Variants in VPS53 observed in about 807,000 individuals in gnomAD.
The protein encoded by VPS53 is VPS53 subunit of GARP complex, also known as vacuolar protein sorting-associated protein 53 homolog.
A neutral mutation model predicts 107.0 loss-of-function variants in VPS53; 70 were observed. The observed-to-expected ratio is 0.65, with a 90% CI of 0.54 to 0.80. The LOEUF is 0.80. Ranked by LOEUF, VPS53 falls within the 30% of genes least tolerant of loss-of-function variation. VPS53 has a pLI of 0.00. For missense variants in VPS53, 917 were observed against 1,049.4 expected, an observed-to-expected ratio of 0.87 and a Z score of 1.74; for synonymous variants, 409 against 393.3, an observed-to-expected ratio of 1.04 and a Z score of -0.47.
intron 12 of VPS53, 145 bp from the exon 13 acceptor site, chr17:586,509 T>A (rs1967326946): frequency 3.8e-6 from 3 of 788,166 alleles, no homozygotes; most frequent in Non-Finnish European, 6.0e-6. Context: ...GGTTTCACCA[T>A]TCACCCTGGC....
intron 13 of VPS53, among the ~76,000 whole-genome samples, chr17:577,753 C>A (rs1341746855): frequency 6.6e-6 from 1 of 151,614 alleles, no homozygotes. Context: ...GAACCTAATG[C>A]GTTCCCAGAG....
chr17:537,425 C>A (rs937369655), intron 17 of VPS53: 11 of 428,698 alleles, frequency 2.6e-5, no homozygotes, highest in African/African-American at 4.0e-5. Flanking sequence ...TTGTCCCCGA[C>A]CTGCCTGAAA....
rs572073173 is a variant in VPS53, at chr17:654,841, C to T, written c.488+997G>A. On this transcript the variant is annotated intron_variant, in intron 6 of 21. Coordinates refer to ENST00000437048, the MANE Select transcript of VPS53 (RefSeq NM_001128159.3). ...TTTTACCACCGCCTGGTCTTACCAC[C>T]GCCCAGTCTTACCACTGCCTGGTCT... 6.6e-5 allele frequency among the ~76,000 whole-genome samples: 10 copies of T among 152,230 alleles called. No homozygotes were observed. The South Asian group carries it at 1.2e-3, about 19-fold the overall frequency.
intron 11 of VPS53, among the ~76,000 whole-genome samples, chr17:614,581 G>A (rs1010089745): frequency 2.6e-5 from 4 of 152,152 alleles, no homozygotes; most frequent in Non-Finnish European, 4.4e-5. Context: ...TGCATGAGGC[G>A]GGGGAATCTG....
chr17:653,511 G>A, intron 6 of VPS53, 101 bp from the exon 7 acceptor site: 2 of 1,555,596 alleles, frequency 1.3e-6, no homozygotes, highest in East Asian at 2.3e-5. Flanking sequence ...TATCAACTCA[G>A]CTGAATCAAC....
At position 627,164 on chromosome 17, in the gene VPS53, T is replaced by C; in HGVS notation, c.974+10A>G. The C allele has an allele frequency of 1.2e-6, 2 of 1,610,506 alleles. No individual in the cohort carries two copies. The highest frequency in any genetic ancestry group is 2.7e-5 in the African/African-American group (2 of 74,862). ...ATTAACCACAGAACCAGTAGAGAAC[T>C]GGCATCTACCTTGTCACATGGCAAA... On this transcript the variant is annotated intron_variant, in intron 10 of 21. Coordinates refer to ENST00000437048, the MANE Select transcript of VPS53 (RefSeq NM_001128159.3).
chr17:613,441 C>G (rs1968989290), intron 11 of VPS53, among the ~76,000 whole-genome samples: 2 of 151,378 alleles, frequency 1.3e-5, no homozygotes, highest in African/African-American at 4.9e-5. Context: ...CAGCAGTATT[C>G]AAATAGTGAA....
chr17:643,850 C>T (rs1056977880), intron 7 of VPS53, among the ~76,000 whole-genome samples: 3 of 152,250 alleles, frequency 2.0e-5, no homozygotes, highest in South Asian at 2.1e-4. Context: ...AACACTCATA[C>T]GTGTCAACCC....
chr17:712,536 T>G (rs1679196218), intron 1 of VPS53, among the ~76,000 whole-genome samples: 2 of 152,102 alleles, frequency 1.3e-5, no homozygotes, highest in Admixed American at 1.3e-4. Context: ...TGTGATTCCA[T>G]TTTATCAACC....
chr17:703,685 G>A (rs987648675), intron 2 of VPS53, among the ~76,000 whole-genome samples: 6 of 152,088 alleles, frequency 3.9e-5, no homozygotes, highest in African/African-American at 1.4e-4. Flanking sequence ...CAGAAAATAG[G>A]TAGTCATCTG....
intron 11 of VPS53, among the ~76,000 whole-genome samples, chr17:622,567 G>T (rs1969513720): frequency 6.6e-6 from 1 of 152,126 alleles, no homozygotes; most frequent in African/African-American, 2.4e-5. Context: ...TGTATTCAAG[G>T]AGCTCAATGT....
At chr17:653,438 C>A (rs370722486) in intron 6 of VPS53, 28 bp from the exon 7 acceptor site, 1 of 1,613,652 alleles carries the variant, frequency 6.2e-7, no homozygotes, top group South Asian at 1.1e-5. Context: ...GTTTAAAAGT[C>A]TAGAAAAACA....
intron 17 of VPS53, among the ~76,000 whole-genome samples, chr17:549,084 T>C (rs1911569443): frequency 1.3e-5 from 2 of 152,186 alleles, no homozygotes; most frequent in South Asian, 4.1e-4. Flanking sequence ...CTAAACACCT[T>C]AGCCAAGGGT....
intron 15 of VPS53, among the ~76,000 whole-genome samples, chr17:558,383 C>T (rs1018440483): frequency 6.6e-6 from 1 of 152,170 alleles, no homozygotes; most frequent in African/African-American, 2.4e-5. Context: ...TCTGTAATCC[C>T]AGCACTTTGG....
At chr17:596,993 A>T (rs1968006214) in intron 12 of VPS53, among the ~76,000 whole-genome samples, 1 of 152,200 alleles carries the variant, frequency 6.6e-6, no homozygotes, top group South Asian at 2.1e-4. Flanking sequence ...AACCGCTCGG[A>T]TCACCAGAAG....
At chr17:624,248 T>C (rs892085709) in intron 10 of VPS53, among the ~76,000 whole-genome samples, 2 of 152,324 alleles carry the variant, frequency 1.3e-5, no homozygotes, top group African/African-American at 4.8e-5. Context: ...TTAGTGTATA[T>C]AGCCTATATA....
intron 11 of VPS53, among the ~76,000 whole-genome samples, 187 bp from the exon 12 acceptor site, chr17:602,083 C>T (rs1968354071): frequency 6.6e-6 from 1 of 152,190 alleles, no homozygotes. Context: ...TTCCTGCAAC[C>T]TCCCCGACCA....
intron 4 of VPS53, chr17:673,643 C>G (rs1972051490): frequency 6.6e-6 from 1 of 152,258 alleles, no homozygotes; most frequent in Non-Finnish European, 1.5e-5. Context: ...TGGCGCCCAT[C>G]AGATGAGAAT....
At chr17:695,148 C>T (rs1972911202) in intron 4 of VPS53, among the ~76,000 whole-genome samples, 1 of 152,084 alleles carries the variant, frequency 6.6e-6, no homozygotes, top group Admixed American at 6.5e-5. Context: ...CCCCAAAAGC[C>T]AAATGAAAAG....
Sources: allele counts gnomAD v4.1 joint callset (sites outside exome capture counted in the v4.1 genomes callset), GRCh38; gene constraint gnomAD v4.1.1; transcripts MANE v1.5; gene names NCBI Gene and HGNC (gene_info 2026-07-23, HGNC 2026-07-21).